CCDC171: variants seen among roughly 807,000 people sequenced by gnomAD.
CCDC171 encodes the protein coiled-coil domain-containing protein 171.
In CCDC171, 177 loss-of-function variants were observed where a neutral mutation model predicts 168.2. The ratio of observed to expected loss-of-function variants is 1.05; its 90% confidence interval spans 0.93 to 1.19. The LOEUF is 1.19. CCDC171 is among the 50% of genes most tolerant of loss of function. The pLI, the probability that CCDC171 is intolerant of heterozygous loss-of-function variation, is 0.00. For missense variants in CCDC171, 1,991 were observed against 1,539.0 expected (o/e 1.29, Z -4.91); for synonymous variants, 687 against 540.8 (o/e 1.27, Z -3.75).
chr9:15,926,827 A>G (rs1223905597), intron 25 of CCDC171, among the ~76,000 whole-genome samples: 1 of 151,650 alleles, frequency 6.6e-6, no homozygotes, highest in Non-Finnish European at 1.5e-5. Context: ...AAGCTATACT[A>G]TAATTTTAAG....
At chr9:15,719,499 T>C (rs1436253937) in intron 11 of CCDC171, among the ~76,000 whole-genome samples, 1 of 151,474 alleles carries the variant, frequency 6.6e-6, no homozygotes, top group Non-Finnish European at 1.5e-5. Flanking sequence ...TAGAGAAATA[T>C]ATCATTATTC....
intron 3 of CCDC171, among the ~76,000 whole-genome samples, chr9:15,996,269 GC>G (rs1435842356): frequency 6.6e-6 from 1 of 152,104 alleles, no homozygotes; most frequent in Non-Finnish European, 1.5e-5. Context: ...ATAGGTCTTG[GC>G]CCCATGTGGG....
At position 15,777,661 on chromosome 9, in the gene CCDC171, A is replaced by C. The variant is rs2057401999; in HGVS notation, c.2733A>C (p.Lys911Asn). The change falls in exon 19 of 26, where the codon AAA becomes AAC. Residue 911 changes from lysine to asparagine, a missense_variant. Lys to Asn is a moderately conservative substitution (Grantham distance 94, BLOSUM62 0). Coordinates refer to ENST00000380701, the MANE Select transcript of CCDC171 (RefSeq NM_173550.4). ...LIGAAKNSFA[K>N]LMDKISLVME... ...GTGCAGCCAAGAATTCTTTTGCAAA[A>C]CTCATGGATAAAATTAGTCTGGTAA... is the stretch of plus-strand genomic sequence containing the variant. 1.9e-6 allele frequency: 3 copies of C among 1,613,798 alleles called. No homozygotes were observed. Among genetic ancestry groups the C allele is most frequent in the African/African-American group, 1.3e-5 (1 of 74,866 alleles).
Position 15,569,849 on chromosome 9 carries a change from A to ACAAAC in CCDC171, c.42-1775_42-1774insCAAAC, listed in dbSNP as rs1554681010. Among the ~76,000 whole-genome samples, 212 of 141,960 alleles carry ACAAAC rather than the reference A, an allele frequency of 1.5e-3. 1 individual carries two copies. Among genetic ancestry groups the ACAAAC allele is most frequent in the African/African-American group, 6.0e-3 (206 of 34,220 alleles). 93.1% of individuals were successfully genotyped at this position (141,960 alleles called of 152,430 possible). A position where few individuals can be genotyped will look rare whatever the true frequency, so the allele number is the denominator to read the frequency against. ...CAAAAAACAAAAAACAAACAAACAA[A>ACAAAC]AAAAAAATTTCTATTTTTCATCTCC... On this transcript the variant is annotated intron_variant, in intron 2 of 25. Transcript: ENST00000380701.
intron 25 of CCDC171, among the ~76,000 whole-genome samples, chr9:15,936,962 T>G (rs890507817): frequency 6.0e-4 from 91 of 152,094 alleles, no homozygotes; most frequent in African/African-American, 2.0e-3. Flanking sequence ...CAGTGCACAA[T>G]TTCAACTGCA....
chr9:15,683,741 A>G (rs1225838122), intron 10 of CCDC171, among the ~76,000 whole-genome samples: 4 of 152,058 alleles, frequency 2.6e-5, no homozygotes, highest in African/African-American at 9.7e-5. Context: ...TGAAAATCCA[A>G]ATCTCATTTT....
At chr9:15,844,683 G>A (rs2060821877) in intron 21 of CCDC171, among the ~76,000 whole-genome samples, 1 of 152,012 alleles carries the variant, frequency 6.6e-6, no homozygotes, top group Non-Finnish European at 1.5e-5. Context: ...ATAAGCTTTA[G>A]AAGAGTTTGA....
chr9:15,583,335 C>T (rs1480238764), intron 4 of CCDC171, among the ~76,000 whole-genome samples: 6 of 149,160 alleles, frequency 4.0e-5, no homozygotes, highest in African/African-American at 1.5e-4. Flanking sequence ...TAGCTTGAAC[C>T]TGGGAGGCAG....
chr9:15,931,099 C>A (rs759091287), intron 25 of CCDC171, among the ~76,000 whole-genome samples: 1 of 151,726 alleles, frequency 6.6e-6, no homozygotes, highest in Non-Finnish European at 1.5e-5. Flanking sequence ...TGGATATATA[C>A]CCAGTAGTGG....
intron 1 of CCDC171, among the ~76,000 whole-genome samples, chr9:15,562,877 T>C (rs1452690073): frequency 7.0e-6 from 1 of 142,238 alleles, no homozygotes; most frequent in Admixed American, 7.4e-5. Context: ...TGTGACAAGA[T>C]TTTGGGACAA....
At chr9:16,070,009 C>G in the CCDC171 span, among the ~76,000 whole-genome samples, 2 of 152,282 alleles carry the variant, frequency 1.3e-5, no homozygotes, top group African/African-American at 4.8e-5. Context: ...ATCTGTCTGT[C>G]TGTCTGTCTG....
chr9:15,651,082 C>G (rs2047477176), intron 7 of CCDC171, among the ~76,000 whole-genome samples: 1 of 151,498 alleles, frequency 6.6e-6, no homozygotes, highest in Admixed American at 6.6e-5. Context: ...TTGAGATTAA[C>G]TTTTTTTACT....
intron 7 of CCDC171, among the ~76,000 whole-genome samples, chr9:15,648,722 A>C (rs2047250138): frequency 6.6e-6 from 1 of 152,204 alleles, no homozygotes; most frequent in Non-Finnish European, 1.5e-5. Context: ...GGAGAACTAC[A>C]AACCAGTGCT....
At chr9:15,647,832 G>T (rs564996121) in intron 7 of CCDC171, among the ~76,000 whole-genome samples, 70 of 152,222 alleles carry the variant, frequency 4.6e-4, no homozygotes, top group African/African-American at 1.6e-3. Flanking sequence ...GGAGGAGTTG[G>T]TACCATTCCT....
At chr9:15,664,390 A>G (rs1165548818) in intron 8 of CCDC171, among the ~76,000 whole-genome samples, 1 of 152,104 alleles carries the variant, frequency 6.6e-6, no homozygotes, top group Non-Finnish European at 1.5e-5. Context: ...CCGGCATTAC[A>G]AACGCGTGAC....
chr9:15,595,253 T>G (rs1218932368), intron 6 of CCDC171, among the ~76,000 whole-genome samples: 1 of 152,110 alleles, frequency 6.6e-6, no homozygotes, highest in Non-Finnish European at 1.5e-5. Context: ...ACCCATTAAC[T>G]TGTCATTTAA....
intron 23 of CCDC171, among the ~76,000 whole-genome samples, chr9:15,854,699 C>G (rs1466880838): frequency 1.3e-5 from 2 of 151,510 alleles, no homozygotes; most frequent in Non-Finnish European, 3.0e-5. Context: ...GATTTGAGAT[C>G]TTTCTTCTTT....
At chr9:15,897,709 AAGAG>A (rs573836830) in intron 24 of CCDC171, among the ~76,000 whole-genome samples, 9 of 152,216 alleles carry the variant, frequency 5.9e-5, no homozygotes, top group African/African-American at 1.9e-4. Context: ...GGATCAATAA[AAGAG>A]AGAATATGGA....
chr9:16,002,397 A>G (rs1442140182), intron 3 of CCDC171, among the ~76,000 whole-genome samples: 4 of 152,008 alleles, frequency 2.6e-5, no homozygotes, highest in Non-Finnish European at 4.4e-5. Flanking sequence ...TTTTTTAACA[A>G]AAAGGTTCAG....
Sources: gnomAD v4.1 joint callset for allele counts (sites outside exome capture counted in the v4.1 genomes callset) on GRCh38, gnomAD v4.1.1 for gene constraint, MANE v1.5 for transcripts, NCBI Gene and HGNC (gene_info 2026-07-23, HGNC 2026-07-21) for gene names.